RBFOX1: variants seen among roughly 807,000 people sequenced by gnomAD.
RBFOX1 encodes the protein RNA binding protein fox-1 homolog 1.
RBFOX1 carries 8 observed loss-of-function variants against 57.7 expected under a neutral mutation model. The observed-to-expected ratio is 0.14, with a 90% CI of 0.08 to 0.25. The LOEUF is 0.25. Ranked by LOEUF, RBFOX1 falls within the 10% of genes least tolerant of loss-of-function variation. The probability of loss-of-function intolerance (pLI) is 1.00; values close to 1 mark genes in which losing one functional copy is unlikely to be tolerated. For synonymous variants in RBFOX1, 326 were observed against 222.4 expected, an observed-to-expected ratio of 1.47 and a Z score of -4.15; for missense variants, 611 against 548.5, an observed-to-expected ratio of 1.11 and a Z score of -1.14.
chr16:6,779,348 C>G (rs1312241577), intron 3 of RBFOX1, among the ~76,000 whole-genome samples: 2 of 151,948 alleles, frequency 1.3e-5, no homozygotes, highest in African/African-American at 4.8e-5. Flanking sequence ...GACAGGATGT[C>G]ATGCTTTTTT....
intron 2 of RBFOX1, among the ~76,000 whole-genome samples, chr16:6,646,147 G>C (rs1300714391): frequency 6.6e-6 from 1 of 152,142 alleles, no homozygotes; most frequent in Non-Finnish European, 1.5e-5. Context: ...GAGTGGGGCT[G>C]AAGTACTTAC....
At chr16:6,247,205 G>A (rs1480341845) in intron 1 of RBFOX1, among the ~76,000 whole-genome samples, 1 of 152,284 alleles carries the variant, frequency 6.6e-6, no homozygotes, top group South Asian at 2.1e-4. Context: ...TCTTGGAAAC[G>A]TCAGAGACTC....
chr16:7,122,275 A>G (rs1352184056), intron 4 of RBFOX1, among the ~76,000 whole-genome samples: 1 of 152,154 alleles, frequency 6.6e-6, no homozygotes, highest in East Asian at 1.9e-4. Flanking sequence ...TATCTAGAAT[A>G]TATTTTGAAC....
At chr16:5,885,268 A>C (rs751513132) in intron 4 of RBFOX1, among the ~76,000 whole-genome samples, 75 of 151,838 alleles carry the variant, frequency 4.9e-4, no homozygotes, top group Non-Finnish European at 9.7e-4. Flanking sequence ...CATATGAATC[A>C]ACATAATACT....
chr16:5,809,888 C>T (rs34644969), intron 3 of RBFOX1, among the ~76,000 whole-genome samples: 82,952 of 150,860 alleles, frequency 0.55, 23,684 homozygotes, highest in South Asian at 0.66. Context: ...ATGTTTTTTG[C>T]GGCACTATCC....
chr16:5,853,691 C>T (rs562198776), intron 3 of RBFOX1, among the ~76,000 whole-genome samples: 49 of 152,306 alleles, frequency 3.2e-4, no homozygotes, highest in Non-Finnish European at 5.4e-4. Flanking sequence ...GTCCTGTAGA[C>T]GAGGGAGGTG....
intron 3 of RBFOX1, among the ~76,000 whole-genome samples, chr16:6,741,721 T>C (rs1037760985): frequency 6.6e-6 from 1 of 151,688 alleles, no homozygotes; most frequent in Non-Finnish European, 1.5e-5. Context: ...TGTTAAGATA[T>C]TGGAAAGAAA....
At chr16:5,845,534 T>A (rs1335379666) in intron 3 of RBFOX1, among the ~76,000 whole-genome samples, 1 of 152,224 alleles carries the variant, frequency 6.6e-6, no homozygotes, top group Non-Finnish European at 1.5e-5. Context: ...TCCCCACTCT[T>A]ACCTGCACCT....
At chr16:5,307,156 C>T (rs1194554513) in intron 1 of RBFOX1, among the ~76,000 whole-genome samples, 1 of 152,202 alleles carries the variant, frequency 6.6e-6, no homozygotes, top group Non-Finnish European at 1.5e-5. Context: ...TCGCTTATTA[C>T]ATTTCAGTTG....
At chr16:5,726,982 G>T (rs2052176045) in intron 3 of RBFOX1, among the ~76,000 whole-genome samples, 1 of 152,170 alleles carries the variant, frequency 6.6e-6, no homozygotes, top group Non-Finnish European at 1.5e-5. Flanking sequence ...GTGAAGGCCG[G>T]GCATGGTGGC....
chr16:5,891,148 T>A (rs938131423), intron 4 of RBFOX1, among the ~76,000 whole-genome samples: 1 of 152,122 alleles, frequency 6.6e-6, no homozygotes, highest in South Asian at 2.1e-4. Flanking sequence ...CTCTCTACCC[T>A]CCTTAGGATT....
intron 1 of RBFOX1, among the ~76,000 whole-genome samples, chr16:5,247,249 C>A (rs1177430942): frequency 6.6e-6 from 1 of 152,180 alleles, no homozygotes; most frequent in Non-Finnish European, 1.5e-5. Context: ...CAAGGAAGTG[C>A]AGGATGCTCC....
chr16:7,070,306 C>G (rs1464964600), intron 4 of RBFOX1, among the ~76,000 whole-genome samples: 1 of 152,146 alleles, frequency 6.6e-6, no homozygotes. Flanking sequence ...TTGCAGGTTG[C>G]TTTTAACAAT....
At chr16:5,409,585 T>A (rs2066959321) in intron 1 of RBFOX1, among the ~76,000 whole-genome samples, 1 of 152,228 alleles carries the variant, frequency 6.6e-6, no homozygotes, top group African/African-American at 2.4e-5. Context: ...TGAGCACATA[T>A]GTGCCAGGCA....
chr16:6,370,512 G>C (rs1008670347), intron 2 of RBFOX1, among the ~76,000 whole-genome samples: 2 of 152,016 alleles, frequency 1.3e-5, no homozygotes, highest in South Asian at 2.1e-4. Flanking sequence ...TTTTAAAAAG[G>C]AGTAAAATTC....
chr16:6,843,285 T>G (rs1236953747), intron 3 of RBFOX1, among the ~76,000 whole-genome samples: 1 of 152,016 alleles, frequency 6.6e-6, no homozygotes, highest in Non-Finnish European at 1.5e-5. Flanking sequence ...AGGAAGGATG[T>G]CACACAGAGT....
intron 2 of RBFOX1, among the ~76,000 whole-genome samples, chr16:6,541,675 A>G (rs1224131071): frequency 1.3e-5 from 2 of 152,220 alleles, no homozygotes; most frequent in Admixed American, 1.3e-4. Context: ...AAGAGCAAGA[A>G]TATCAATTCT....
chr16:6,422,511 G>A (rs12932535), intron 2 of RBFOX1, among the ~76,000 whole-genome samples: 40,384 of 151,916 alleles, frequency 0.27, 5,573 homozygotes, highest in South Asian at 0.33. Context: ...CTGAGACTGG[G>A]TAATTTTTAA....
At chr16:7,355,824 A>G (rs568285898) in intron 4 of RBFOX1, among the ~76,000 whole-genome samples, 1 of 152,292 alleles carries the variant, frequency 6.6e-6, no homozygotes, top group East Asian at 1.9e-4. Flanking sequence ...TTGGGTGATA[A>G]TTTCTTTTCC....
Sources: gnomAD v4.1 joint callset for allele counts (sites outside exome capture counted in the v4.1 genomes callset) on GRCh38, gnomAD v4.1.1 for gene constraint, MANE v1.5 for transcripts, NCBI Gene and HGNC (gene_info 2026-07-23, HGNC 2026-07-21) for gene names.